The following WWOX variants were observed in gnomAD, a reference collection of about 807,000 sequenced individuals.
The protein encoded by WWOX is WW domain containing oxidoreductase, also known as WW domain-containing oxidoreductase.
WWOX carries 69 observed loss-of-function variants against 46.2 expected under a neutral mutation model. The observed-to-expected ratio is 1.49, with a 90% CI of 1.23 to 1.82. The LOEUF (loss-of-function observed/expected upper bound fraction) is 1.82, where lower values mean the gene tolerates loss of function less well. Among genes scored for constraint, WWOX ranks in the 40% most tolerant of loss-of-function variants. WWOX has a pLI of 0.00. For synonymous variants in WWOX, 359 were observed against 202.6 expected (o/e 1.77, Z -6.56); for missense variants, 919 against 542.6 (o/e 1.69, Z -6.89).
intron 5 of WWOX, among the ~76,000 whole-genome samples, chr16:78,239,885 G>A (rs760515274): frequency 1.3e-5 from 2 of 152,090 alleles, no homozygotes; most frequent in Non-Finnish European, 2.9e-5. Flanking sequence ...AAGACTCACA[G>A]GGAATGGGAC....
At chr16:78,374,711 G>A (rs566910929) in intron 5 of WWOX, among the ~76,000 whole-genome samples, 1 of 152,008 alleles carries the variant, frequency 6.6e-6, no homozygotes, top group South Asian at 2.1e-4. Context: ...ACCAGGCCTG[G>A]CTAATTTTTT....
At chr16:78,506,636 G>T (rs565475535) in intron 8 of WWOX, 1 of 151,042 alleles carries the variant, frequency 6.6e-6, no homozygotes, top group South Asian at 2.1e-4. Flanking sequence ...ACCTACCCAA[G>T]GTCTGGTCAT....
In WWOX at chr16:79,211,860, G is replaced by C. The variant is rs758488395; in HGVS notation, c.*64G>C. 4 of 1,603,298 alleles carry C rather than the reference G, an allele frequency of 2.5e-6. No individual in the cohort carries two copies. In the South Asian group the frequency reaches 3.3e-5, roughly 13 times the overall value. On this transcript the variant is annotated 3_prime_UTR_variant, in exon 9 of 9. Transcript: ENST00000566780. ...TGTGTGTCCCCTCACGCAAGTGCCA[G>C]GGCTGGGCCCCTTCCAAATGTCCCT...
At chr16:78,852,516 C>T (rs1346259891) in intron 8 of WWOX, among the ~76,000 whole-genome samples, 2 of 152,154 alleles carry the variant, frequency 1.3e-5, no homozygotes, top group Non-Finnish European at 2.9e-5. Flanking sequence ...GAAGCAGTTC[C>T]TCCAACCCCC....
intron 8 of WWOX, among the ~76,000 whole-genome samples, chr16:78,964,352 A>T (rs910879131): frequency 2.0e-5 from 3 of 152,172 alleles, no homozygotes; most frequent in Non-Finnish European, 4.4e-5. Context: ...TCAGATGGAG[A>T]TGAGGAGCTC....
chr16:78,620,631 A>C (rs1483830429), intron 8 of WWOX, among the ~76,000 whole-genome samples: 2 of 152,164 alleles, frequency 1.3e-5, no homozygotes, highest in East Asian at 3.9e-4. Flanking sequence ...AGTATTTGTC[A>C]GTGTACTTCC....
chr16:78,173,244 A>T (rs932650860), intron 5 of WWOX, among the ~76,000 whole-genome samples: 4 of 152,170 alleles, frequency 2.6e-5, no homozygotes, highest in African/African-American at 9.7e-5. Context: ...TCCCAGTGTG[A>T]ATACTAACTC....
At chr16:78,679,662 C>T (rs765573400) in intron 8 of WWOX, among the ~76,000 whole-genome samples, 1 of 152,154 alleles carries the variant, frequency 6.6e-6, no homozygotes, top group Non-Finnish European at 1.5e-5. Context: ...TGTTTCCTTG[C>T]CAGGAGAAGT....
chr16:78,724,744 C>G (rs1329701916), intron 8 of WWOX, among the ~76,000 whole-genome samples: 3 of 152,134 alleles, frequency 2.0e-5, no homozygotes, highest in Non-Finnish European at 4.4e-5. Flanking sequence ...TAACCATCTC[C>G]TGAACCCTGA....
At chr16:78,919,756 C>G in intron 8 of WWOX, among the ~76,000 whole-genome samples, 1 of 152,016 alleles carries the variant, frequency 6.6e-6, no homozygotes, top group Non-Finnish European at 1.5e-5. Context: ...ACCTCATGAT[C>G]CACTCGCCTT....
chr16:78,824,657 G>A (rs1408647341), intron 8 of WWOX, among the ~76,000 whole-genome samples: 1 of 152,166 alleles, frequency 6.6e-6, no homozygotes, highest in Non-Finnish European at 1.5e-5. Flanking sequence ...AAATGAGGAA[G>A]AAGCGCACGT....
At chr16:78,312,255 TAA>T (rs1020767932) in intron 5 of WWOX, among the ~76,000 whole-genome samples, 1 of 152,220 alleles carries the variant, frequency 6.6e-6, no homozygotes. Flanking sequence ...TTTAATTTTT[TAA>T]TTGAATTCAG....
chr16:79,045,266 T>C (rs2048043292), intron 8 of WWOX, among the ~76,000 whole-genome samples: 1 of 152,242 alleles, frequency 6.6e-6, no homozygotes, highest in Non-Finnish European at 1.5e-5. Context: ...GAATTAAATA[T>C]GCAGCCTCTG....
At chr16:79,206,809 G>C (rs994655528) in intron 8 of WWOX, 1 of 151,936 alleles carries the variant, frequency 6.6e-6, no homozygotes. Context: ...CACCTAGCCA[G>C]GGAGGCCTAT....
chr16:78,516,470 C>T (rs752390280), intron 8 of WWOX, among the ~76,000 whole-genome samples: 1 of 152,170 alleles, frequency 6.6e-6, no homozygotes, highest in Non-Finnish European at 1.5e-5. Context: ...ATGCTCAGAG[C>T]TTTCCAGACA....
At chr16:79,179,258 A>T (rs1261471345) in intron 8 of WWOX, among the ~76,000 whole-genome samples, 1 of 152,224 alleles carries the variant, frequency 6.6e-6, no homozygotes, top group African/African-American at 2.4e-5. Flanking sequence ...CTTGACTTGG[A>T]CCAGGGTGGT....
intron 8 of WWOX, among the ~76,000 whole-genome samples, chr16:79,193,640 C>G (rs144212800): frequency 2.6e-5 from 4 of 152,186 alleles, no homozygotes; most frequent in African/African-American, 9.7e-5. Flanking sequence ...AATTGACCCT[C>G]GCACATCTTT....
At chr16:78,310,604 C>T (rs923356629) in intron 5 of WWOX, among the ~76,000 whole-genome samples, 1 of 152,162 alleles carries the variant, frequency 6.6e-6, no homozygotes, top group Non-Finnish European at 1.5e-5. Context: ...AGGGTGCGGG[C>T]CATGTGCCAG....
At chr16:79,086,328 G>T (rs78423168) in intron 8 of WWOX, among the ~76,000 whole-genome samples, 5,819 of 152,162 alleles carry the variant, frequency 0.038, 213 homozygotes, top group African/African-American at 0.091. Flanking sequence ...ATTTTAATTT[G>T]ATTGATATGC....
Sources: allele counts gnomAD v4.1 joint callset (sites outside exome capture counted in the v4.1 genomes callset), GRCh38; gene constraint gnomAD v4.1.1; transcripts MANE v1.5; gene names NCBI Gene and HGNC (gene_info 2026-07-23, HGNC 2026-07-21).